Variants in HDAC8 observed in about 807,000 individuals in gnomAD.
HDAC8 encodes the protein histone deacetylase-like 1.
Under a neutral mutation model 32.2 loss-of-function variants are expected in HDAC8, and 1 was observed. That is an observed-to-expected ratio of 0.03 (90% CI 0.01 to 0.15). The LOEUF (loss-of-function observed/expected upper bound fraction) is 0.15. HDAC8 is among the 10% of genes least tolerant of loss of function. The probability of loss-of-function intolerance (pLI) is 1.00; values close to 1 mark genes in which losing one functional copy is unlikely to be tolerated. For missense variants in HDAC8, 117 were observed against 300.0 expected, an observed-to-expected ratio of 0.39 and a Z score of 4.51; for synonymous variants, 108 against 113.9, an observed-to-expected ratio of 0.95 and a Z score of 0.33.
At chrX:72,480,413 T>C in intron 7 of HDAC8, 1 of 330,967 alleles carries the variant, frequency 3.0e-6, no homozygotes, top group Non-Finnish European at 5.9e-6. Context: ...AAACAACAGA[T>C]GCTGGTGAGG....
At chrX:72,546,452 G>T (rs2050866877) in intron 4 of HDAC8, among the ~76,000 whole-genome samples, 1 of 110,743 alleles carries the variant, frequency 9.0e-6, no homozygotes, top group South Asian at 3.9e-4. Flanking sequence ...GGAAGATATT[G>T]GGAACTGAGA....
chrX:72,503,523 T>C (rs782246483), intron 4 of HDAC8, among the ~76,000 whole-genome samples: 2 of 112,202 alleles, frequency 1.8e-5, no homozygotes, highest in Admixed American at 1.9e-4. Context: ...TCTTACACTA[T>C]CTATAATTCA....
rs782452260 is a variant in HDAC8 at position 72,570,101 on chromosome X, G to A, written c.165-1217C>T. 2.7e-5 allele frequency among the ~76,000 whole-genome samples: 3 copies of A among 111,930 alleles called. No homozygotes were observed. In the South Asian group the frequency reaches 1.1e-3, roughly 42 times the overall value. ...CAAGGTAGCTGGAAGAAATCCTGTG[G>A]TTTGGCCTCAAAAGTGAAATACATA... On this transcript the variant is annotated intron_variant, in intron 2 of 10. Coordinates refer to ENST00000373573, the MANE Select transcript of HDAC8 (RefSeq NM_018486.3).
chrX:72,473,174 T>C (rs987949352), intron 7 of HDAC8, among the ~76,000 whole-genome samples: 6 of 112,632 alleles, frequency 5.3e-5, no homozygotes, highest in Non-Finnish European at 1.1e-4. Context: ...AATCTGACTA[T>C]GGCCTACCTT....
chrX:72,557,523 G>A (rs1448254750), intron 4 of HDAC8, among the ~76,000 whole-genome samples: 1 of 111,487 alleles, frequency 9.0e-6, no homozygotes, highest in Non-Finnish European at 1.9e-5. Context: ...TCTTTGAACA[G>A]AACGATAATA....
intron 4 of HDAC8, among the ~76,000 whole-genome samples, chrX:72,513,484 CCTAA>C (rs1556023051): frequency 9.1e-6 from 1 of 110,110 alleles, no homozygotes; most frequent in Non-Finnish European, 1.9e-5. Context: ...TACCACCACA[CCTAA>C]CTAATTTTTT....
At chrX:72,505,181 G>A (rs1441496819) in intron 4 of HDAC8, among the ~76,000 whole-genome samples, 8 of 110,447 alleles carry the variant, frequency 7.2e-5, no homozygotes, top group African/African-American at 2.6e-4. Flanking sequence ...TATTTTCTCC[G>A]ATTCTGCAGG....
chrX:72,384,188 A>G (rs1417177867), intron 9 of HDAC8, among the ~76,000 whole-genome samples: 4 of 111,829 alleles, frequency 3.6e-5, no homozygotes, highest in African/African-American at 1.3e-4. Flanking sequence ...CAGCCTAAGT[A>G]AATTCAAAAA....
chrX:72,400,372 C>G (rs782499914), intron 9 of HDAC8, among the ~76,000 whole-genome samples: 7 of 112,051 alleles, frequency 6.2e-5, no homozygotes, highest in African/African-American at 1.6e-4. Context: ...ACATTTCCAA[C>G]TCAACATGTC....
chrX:72,355,007 G>A (rs1161503097), intron 9 of HDAC8, among the ~76,000 whole-genome samples: 5 of 112,016 alleles, frequency 4.5e-5, no homozygotes, highest in South Asian at 3.8e-4. Flanking sequence ...GCTTAGGGCC[G>A]AGATGTAGAA....
chrX:72,473,526 A>G (rs1482180044), intron 7 of HDAC8: 28 of 160,187 alleles, frequency 1.7e-4, no homozygotes, highest in Non-Finnish European at 2.5e-4. Flanking sequence ...TTTTAATCCT[A>G]TTTTACAGAT....
chrX:72,496,256 A>G (rs2049015368), intron 4 of HDAC8, among the ~76,000 whole-genome samples: 1 of 110,862 alleles, frequency 9.0e-6, no homozygotes, highest in Non-Finnish European at 1.9e-5. Context: ...CAATGCATAA[A>G]CTTCTTCATG....
At chrX:72,570,567 C>T (rs1480824414) in intron 2 of HDAC8, among the ~76,000 whole-genome samples, 15 of 103,633 alleles carry the variant, frequency 1.4e-4, no homozygotes, top group Non-Finnish European at 5.9e-5. Context: ...CGAGATCGCG[C>T]CACTGCACTC....
chrX:72,341,253 G>C (rs1244470180), intron 10 of HDAC8, among the ~76,000 whole-genome samples: 1 of 111,925 alleles, frequency 8.9e-6, no homozygotes, highest in Non-Finnish European at 1.9e-5. Context: ...GGCCTTCCTG[G>C]TTTTAGATTA....
rs373083907 is a variant in HDAC8, at chrX:72,568,843, G to A, written c.206C>T (p.Thr69Ile). 8.3e-7 allele frequency: 1 copy of A among 1,208,792 alleles called. No homozygotes were observed. The highest frequency in any genetic ancestry group is 1.8e-5 in the African/African-American group (1 of 57,141). ...CTGCAGATAAGCATCAGTGTGGAAG[G>A]TGGCCATCTCCTCCATGGAGGCCAC... is the stretch of plus-strand genomic sequence containing the variant. ...PKVASMEEMA[T>I]FHTDAYLQHL... Residue 69 changes from threonine (T) to isoleucine (I), a missense_variant, in exon 3 of 11, where the codon ACC becomes ATC. Thr to Ile is a moderately conservative substitution (Grantham distance 89). This residue lies in a region of HDAC8 where 57 missense variants were observed against 182.0 expected (regional missense o/e 0.31). Transcript: ENST00000373573.
intron 4 of HDAC8, among the ~76,000 whole-genome samples, chrX:72,503,011 A>C (rs2049276150): frequency 9.0e-6 from 1 of 111,626 alleles, no homozygotes; most frequent in South Asian, 3.7e-4. Flanking sequence ...CAGAAACTAC[A>C]CCTCTTTGTC....
intron 5 of HDAC8, among the ~76,000 whole-genome samples, chrX:72,492,608 T>G (rs1190570851): frequency 1.8e-5 from 2 of 109,588 alleles, no homozygotes; most frequent in Non-Finnish European, 3.8e-5. Context: ...GTAAGGGAGG[T>G]GCTGAAGAGG....
chrX:72,443,229 T>G (rs1438521588), intron 9 of HDAC8, among the ~76,000 whole-genome samples: 1 of 109,898 alleles, frequency 9.1e-6, no homozygotes, highest in Non-Finnish European at 1.9e-5. Flanking sequence ...CAACAGAATA[T>G]ACATTTTTTT....
chrX:72,387,139 A>C (rs1287271635), intron 9 of HDAC8, among the ~76,000 whole-genome samples: 2 of 112,395 alleles, frequency 1.8e-5, no homozygotes, highest in Non-Finnish European at 3.8e-5. Context: ...GAGGGCACAC[A>C]CTCAATTTAA....
Sources: gnomAD v4.1 joint callset for allele counts (sites outside exome capture counted in the v4.1 genomes callset) on GRCh38, gnomAD v4.1.1 for gene constraint, gnomAD v4.1.1 regional missense constraint, MANE v1.5 for transcripts, NCBI Gene and HGNC (gene_info 2026-07-23, HGNC 2026-07-21) for gene names.